FARS2: variants seen among roughly 807,000 people sequenced by gnomAD.
The protein encoded by FARS2 is phenylalanine--tRNA ligase, mitochondrial.
A neutral mutation model predicts 46.4 loss-of-function variants in FARS2; 40 were observed. The observed-to-expected ratio is 0.86, with a 90% CI of 0.67 to 1.12. The LOEUF (loss-of-function observed/expected upper bound fraction) is 1.12. Ranked by LOEUF, FARS2 falls within the 50% of genes most tolerant of loss-of-function variation. The pLI, the probability that FARS2 is intolerant of heterozygous loss-of-function variation, is 0.00. For synonymous variants in FARS2, 234 were observed against 214.9 expected, an observed-to-expected ratio of 1.09 and a Z score of -0.78; for missense variants, 513 against 567.9, an observed-to-expected ratio of 0.90 and a Z score of 0.98.
At chr6:5,333,157 C>T (rs539880670) in intron 1 of FARS2, among the ~76,000 whole-genome samples, 1 of 149,092 alleles carries the variant, frequency 6.7e-6, no homozygotes, top group South Asian at 2.1e-4. Flanking sequence ...AATTAGAAAA[C>T]TAAAAGATTT....
At position 5,447,021 on chromosome 6, in the gene FARS2, A is replaced by G. The variant is rs183241972; in HGVS notation, c.904+15849A>G. On this transcript the variant is annotated intron_variant, in intron 4 of 6. Coordinates refer to ENST00000274680, the MANE Select transcript of FARS2 (RefSeq NM_006567.5). Reference sequence around the variant, plus strand: ...AGATAGGGTCAGTTCCGGAAGGGCTACGAATGCAAAATCGAAGACCTTACA... The same window carrying G: ...AGATAGGGTCAGTTCCGGAAGGGCTGCGAATGCAAAATCGAAGACCTTACA... Among the ~76,000 whole-genome samples the G allele has an allele frequency of 2.6e-3, 391 of 152,334 alleles. 2 individuals carry two copies. Among genetic ancestry groups the G allele is most frequent in the African/African-American group, 9.0e-3 (376 of 41,562 alleles).
At position 5,517,527 on chromosome 6, in the gene FARS2, G is replaced by A. The variant is rs948930584; in HGVS notation, c.905-27653G>A. 4.9e-4 allele frequency among the ~76,000 whole-genome samples: 74 copies of A among 151,684 alleles called. 1 individual carries two copies. The highest frequency in any genetic ancestry group is 4.8e-3 in the Admixed American group (73 of 15,214). On this transcript the variant is annotated intron_variant, in intron 4 of 6. Coordinates refer to ENST00000274680, the MANE Select transcript of FARS2 (RefSeq NM_006567.5). ...ACCGGGAGGCTGAGGCAGGAGAATC[G>A]CTTGAACCTGGGAGGTGGAGGTTGC...
chr6:5,678,762 G>A (rs569486704), intron 6 of FARS2, among the ~76,000 whole-genome samples: 21 of 152,164 alleles, frequency 1.4e-4, no homozygotes, highest in East Asian at 1.9e-4. Flanking sequence ...ACCCTGGTAC[G>A]TGCTCTTTAA....
intron 1 of FARS2, among the ~76,000 whole-genome samples, chr6:5,304,796 G>T (rs1768579595): frequency 6.6e-6 from 1 of 152,224 alleles, no homozygotes. Context: ...ATGTGTGCTT[G>T]ATATGGATTA....
At chr6:5,592,342 C>T (rs1392295858) in intron 5 of FARS2, among the ~76,000 whole-genome samples, 12 of 151,526 alleles carry the variant, frequency 7.9e-5, no homozygotes, top group Admixed American at 7.2e-4. Context: ...GCCGTGATCA[C>T]GCCACTATAC....
At chr6:5,330,515 A>AG (rs1770726995) in intron 1 of FARS2, among the ~76,000 whole-genome samples, 1 of 152,158 alleles carries the variant, frequency 6.6e-6, no homozygotes, top group South Asian at 2.1e-4. Flanking sequence ...GGTATGATAT[A>AG]GGCTAGGAGA....
At chr6:5,269,455 A>G (rs1765791654) in intron 1 of FARS2, among the ~76,000 whole-genome samples, 1 of 80,916 alleles carries the variant, frequency 1.2e-5, no homozygotes. Flanking sequence ...AACTTAAAGT[A>G]TAATAAAAAA....
At position 5,457,826 on chromosome 6, in the gene FARS2, T is replaced by G. The variant is rs566898899; in HGVS notation, c.904+26654T>G. On this transcript the variant is annotated intron_variant, in intron 4 of 6. Transcript: ENST00000274680. The stretch of plus-strand genomic sequence containing the variant: ...CCAAGGCTATAAATCCAGGGAGAAA[T>G]TCAGCAATAGAAGAGCATTGTAATA... 3 of 152,212 alleles carry G rather than the reference T, an allele frequency of 2.0e-5. No homozygotes were observed. In the East Asian group the frequency reaches 5.8e-4, roughly 29 times the overall value. 9.4% of individuals were successfully genotyped at this position (152,212 alleles called of 1,614,324 possible).
chr6:5,617,209 A>C lies in FARS2; in HGVS notation c.1217+3889A>C, dbSNP rs554819456. The stretch of plus-strand genomic sequence containing the variant: ...TGCAGGTATACACACACAACCCCAT[A>C]CTGACCTGCTAAAAGGTGAACTTAT... On this transcript the variant is annotated intron_variant, in intron 6 of 6. Coordinates refer to ENST00000274680, the MANE Select transcript of FARS2 (RefSeq NM_006567.5). Among the ~76,000 whole-genome samples, 424 of 152,362 alleles carry C rather than the reference A, an allele frequency of 2.8e-3. 4 individuals are homozygous for C. Among genetic ancestry groups the C allele is most frequent in the African/African-American group, 9.0e-3 (375 of 41,588 alleles).
intron 6 of FARS2, among the ~76,000 whole-genome samples, chr6:5,663,686 A>G (rs1005998598): frequency 3.3e-5 from 5 of 152,198 alleles, no homozygotes; most frequent in African/African-American, 1.2e-4. Flanking sequence ...TCCATGGCAG[A>G]TTTGTCATTC....
intron 4 of FARS2, among the ~76,000 whole-genome samples, chr6:5,527,859 A>G (rs1467571514): frequency 1.3e-5 from 2 of 152,202 alleles, no homozygotes; most frequent in Non-Finnish European, 2.9e-5. Flanking sequence ...TGTTTGTTGC[A>G]ATGATCTGCT....
intron 1 of FARS2, among the ~76,000 whole-genome samples, chr6:5,310,661 A>G (rs1036930873): frequency 3.9e-5 from 6 of 152,234 alleles, no homozygotes; most frequent in Non-Finnish European, 7.3e-5. Context: ...ATGGGAAGGT[A>G]TGTTAGTGAG....
chr6:5,339,947 C>G (rs1771436573), intron 1 of FARS2, among the ~76,000 whole-genome samples: 1 of 152,184 alleles, frequency 6.6e-6, no homozygotes, highest in Non-Finnish European at 1.5e-5. Context: ...TCGTTTATGG[C>G]CAGAGCCAGC....
At chr6:5,756,861 A>G (rs1762233837) in intron 6 of FARS2, among the ~76,000 whole-genome samples, 1 of 152,254 alleles carries the variant, frequency 6.6e-6, no homozygotes, top group African/African-American at 2.4e-5. Flanking sequence ...CTTCGATCAC[A>G]TGTTTCAGCC....
At chr6:5,612,974 G>A (rs1024910171) in intron 5 of FARS2, among the ~76,000 whole-genome samples, 195 bp from the exon 6 acceptor site, 2 of 152,138 alleles carry the variant, frequency 1.3e-5, no homozygotes, top group African/African-American at 4.8e-5. Flanking sequence ...ATAAGAATCT[G>A]TAATATTCAT....
At chr6:5,579,896 A>G (rs185483597) in intron 5 of FARS2, among the ~76,000 whole-genome samples, 17 of 152,276 alleles carry the variant, frequency 1.1e-4, no homozygotes, top group Admixed American at 1.0e-3. Context: ...CATTTGGATC[A>G]GTTACTCATT....
intron 1 of FARS2, among the ~76,000 whole-genome samples, chr6:5,314,648 T>C (rs1006791428): frequency 4.6e-5 from 7 of 152,310 alleles, no homozygotes; most frequent in Admixed American, 3.3e-4. Context: ...AATCATCTTA[T>C]AGCTCATTTG....
At chr6:5,257,704 T>C (rs1362017735), upstream of FARS2, among the ~76,000 whole-genome samples, 4 of 152,188 alleles carry the variant, frequency 2.6e-5, no homozygotes, top group Non-Finnish European at 4.4e-5. Flanking sequence ...CTAGGTTGCA[T>C]GCTCCTTATG....
intron 4 of FARS2, among the ~76,000 whole-genome samples, chr6:5,484,103 T>A (rs1353168599): frequency 6.6e-6 from 1 of 152,046 alleles, no homozygotes; most frequent in African/African-American, 2.4e-5. Flanking sequence ...TGAGACCCTG[T>A]CTCTAAAAGT....
Sources: allele counts gnomAD v4.1 joint callset (sites outside exome capture counted in the v4.1 genomes callset), GRCh38; gene constraint gnomAD v4.1.1; transcripts MANE v1.5; gene names NCBI Gene and HGNC (gene_info 2026-07-23, HGNC 2026-07-21).